Variants in AGBL1 observed in about 807,000 individuals in gnomAD.
AGBL1 encodes cytosolic carboxypeptidase 4.
Under a neutral mutation model 118.9 loss-of-function variants are expected in AGBL1, and 130 were observed. The ratio of observed to expected loss-of-function variants is 1.09; its 90% CI spans 0.95 to 1.26. The LOEUF is 1.26. Ranked by LOEUF, AGBL1 falls within the 50% of genes most tolerant of loss-of-function variation. The pLI, the probability that AGBL1 is intolerant of heterozygous loss-of-function variation, is 0.00. For synonymous variants in AGBL1, 555 were observed against 478.9 expected (o/e 1.16, Z -2.08); for missense variants, 1,584 against 1,298.1 (o/e 1.22, Z -3.38).
intron 15 of AGBL1, among the ~76,000 whole-genome samples, chr15:86,276,874 C>A (rs2141707913): frequency 6.6e-6 from 1 of 152,312 alleles, no homozygotes; most frequent in Non-Finnish European, 1.5e-5. Context: ...CATGGATGAA[C>A]TGAACTGTAG....
chr15:87,026,702 C>T (rs1417244272), intron 24 of AGBL1, among the ~76,000 whole-genome samples: 1 of 151,990 alleles, frequency 6.6e-6, no homozygotes, highest in Non-Finnish European at 1.5e-5. Flanking sequence ...TTTATAGCAG[C>T]ACAATTTGCA....
chr15:86,310,610 AGG>A (rs2079906258), intron 17 of AGBL1, among the ~76,000 whole-genome samples: 2 of 152,214 alleles, frequency 1.3e-5, no homozygotes, highest in African/African-American at 4.8e-5. Context: ...ACTGGATCTC[AGG>A]GGACTGGCTT....
intron 23 of AGBL1, among the ~76,000 whole-genome samples, chr15:86,978,830 T>A (rs1005486024): frequency 1.3e-5 from 2 of 152,194 alleles, no homozygotes; most frequent in Non-Finnish European, 2.9e-5. Flanking sequence ...ATCAGCCTAT[T>A]TTCTCCTTGG....
chr15:86,370,866 GT>G (rs2080961404), intron 17 of AGBL1, among the ~76,000 whole-genome samples: 1 of 152,206 alleles, frequency 6.6e-6, no homozygotes, highest in Admixed American at 6.5e-5. Context: ...TGCAGTAAGT[GT>G]TCACAGACTT....
At chr15:86,800,815 G>A (rs1174315631) in intron 22 of AGBL1, among the ~76,000 whole-genome samples, 1 of 152,090 alleles carries the variant, frequency 6.6e-6, no homozygotes, top group Non-Finnish European at 1.5e-5. Flanking sequence ...GGTAGAAATA[G>A]AGAATAAAGA....
intron 18 of AGBL1, among the ~76,000 whole-genome samples, chr15:86,497,407 T>C (rs1381501027): frequency 6.6e-6 from 1 of 152,072 alleles, no homozygotes; most frequent in Non-Finnish European, 1.5e-5. Context: ...TCTCTGTTGC[T>C]TTCAATTATT....
chr15:86,370,260 C>G (rs934912754), intron 17 of AGBL1, among the ~76,000 whole-genome samples: 2 of 150,748 alleles, frequency 1.3e-5, no homozygotes, highest in African/African-American at 4.9e-5. Flanking sequence ...GGATTTACAT[C>G]TGCAGCTACC....
intron 18 of AGBL1, among the ~76,000 whole-genome samples, chr15:86,462,978 G>A (rs1278419812): frequency 6.6e-6 from 1 of 152,104 alleles, no homozygotes; most frequent in Non-Finnish European, 1.5e-5. Context: ...TGGGTCAAAT[G>A]GTATTTCTAG....
chr15:86,744,022 A>T (rs1440629694), intron 22 of AGBL1, among the ~76,000 whole-genome samples: 1 of 152,100 alleles, frequency 6.6e-6, no homozygotes, highest in Non-Finnish European at 1.5e-5. Context: ...ATCTTATTTA[A>T]ATATATATAT....
intron 5 of AGBL1, among the ~76,000 whole-genome samples, chr15:86,196,841 CT>C (rs1340104591): frequency 2.7e-5 from 4 of 150,674 alleles, no homozygotes; most frequent in Non-Finnish European, 5.9e-5. Context: ...CTTTCCTCCT[CT>C]CCCTGCATAT....
At chr15:86,414,133 T>A (rs2142014189) in intron 18 of AGBL1, among the ~76,000 whole-genome samples, 1 of 152,174 alleles carries the variant, frequency 6.6e-6, no homozygotes, top group Admixed American at 6.5e-5. Context: ...TGTATACACA[T>A]GAACATAGAG....
At chr15:86,111,160 G>A (rs747017567) in intron 1 of AGBL1, among the ~76,000 whole-genome samples, 4 of 152,212 alleles carry the variant, frequency 2.6e-5, no homozygotes, top group Admixed American at 6.5e-5. Flanking sequence ...TGTTTTTGAG[G>A]TCCCTAGAAG....
At chr15:86,999,792 G>T (rs2081417527) in intron 24 of AGBL1, among the ~76,000 whole-genome samples, 1 of 143,710 alleles carries the variant, frequency 7.0e-6, no homozygotes, top group African/African-American at 2.6e-5. Context: ...GATCCCTGAG[G>T]AATCGCCACA....
intron 17 of AGBL1, among the ~76,000 whole-genome samples, chr15:86,355,946 T>A (rs1034660177): frequency 2.0e-5 from 3 of 152,240 alleles, no homozygotes; most frequent in Admixed American, 6.5e-5. Context: ...GATGCACTCA[T>A]GGGAGCCACC....
chr15:86,633,185 A>G (rs528478668), intron 21 of AGBL1, among the ~76,000 whole-genome samples: 1 of 152,350 alleles, frequency 6.6e-6, no homozygotes, highest in East Asian at 1.9e-4. Context: ...CTTACAAAAA[A>G]GTGGTGCAGC....
rs1218964944 is a variant in AGBL1 at position 86,247,870 on chromosome 15, C to T, written c.726C>T (p.Ser242=). The T allele has an allele frequency of 9.3e-6, 15 of 1,613,904 alleles. No homozygotes were observed. The highest frequency in any genetic ancestry group is 1.1e-5 in the Non-Finnish European group (13 of 1,179,888). Residue 242 remains serine (S), a synonymous_variant, in exon 7 of 23, where the codon AGC becomes AGT. Transcript: ENST00000614907. The part of the protein sequence containing the change: ...LAAQGMEILF[S]TTQNCLDDKS... ...CACAGGGCATGGAGATCCTCTTCAGCACCACACAGGCAGGCAGCATGGGGA... is the reference window on the plus strand; with the variant it reads ...CACAGGGCATGGAGATCCTCTTCAGTACCACACAGGCAGGCAGCATGGGGA...
chr15:86,585,010 C>T (rs1196802019), intron 21 of AGBL1, among the ~76,000 whole-genome samples: 1 of 152,078 alleles, frequency 6.6e-6, no homozygotes, highest in African/African-American at 2.4e-5. Context: ...TATAGAAATG[C>T]TACTGATTTT....
At chr15:86,717,547 T>A (rs2086656406) in intron 22 of AGBL1, among the ~76,000 whole-genome samples, 1 of 152,150 alleles carries the variant, frequency 6.6e-6, no homozygotes, top group East Asian at 1.9e-4. Flanking sequence ...AAGTTTTCAA[T>A]GTTTTGCAGA....
At chr15:86,986,629 C>T (rs1170498727) in intron 23 of AGBL1, among the ~76,000 whole-genome samples, 1 of 151,956 alleles carries the variant, frequency 6.6e-6, no homozygotes, top group Non-Finnish European at 1.5e-5. Flanking sequence ...GGGGTTGTGT[C>T]GAATCTATAG....
Sources: allele counts gnomAD v4.1 joint callset (sites outside exome capture counted in the v4.1 genomes callset), GRCh38; gene constraint gnomAD v4.1.1; transcripts MANE v1.5; gene names NCBI Gene and HGNC (gene_info 2026-07-23, HGNC 2026-07-21).